The following SRPK1 variants were observed in gnomAD, a reference collection of about 807,000 sequenced individuals.
The protein encoded by SRPK1 is SFRS protein kinase 1.
In SRPK1, 52 loss-of-function variants were observed where a neutral mutation model predicts 89.5. The ratio of observed to expected loss-of-function variants is 0.58; its 90% confidence interval spans 0.46 to 0.73. SRPK1 has a LOEUF of 0.73. SRPK1 is among the 30% of genes least tolerant of loss of function. The pLI is 0.00. For missense variants in SRPK1, 603 were observed against 780.6 expected, an observed-to-expected ratio of 0.77 and a Z score of 2.71; for synonymous variants, 255 against 270.2, an observed-to-expected ratio of 0.94 and a Z score of 0.55.
At position 35,872,736 on chromosome 6, in the gene SRPK1, G is replaced by C. The variant is rs769479847; in HGVS notation, c.586-8C>G. On this transcript the variant is annotated splice_region_variant and splice_polypyrimidine_tract_variant and intron_variant, in intron 7 of 15. Coordinates refer to ENST00000373825, the MANE Select transcript of SRPK1 (RefSeq NM_003137.5). The stretch of plus-strand genomic sequence containing the variant: ...ATCAAGACCCTGTAACACCTGAATG[G>C]AAATAGAGTGGCAGACTTGCAAACA... 1.9e-6 allele frequency: 3 copies of C among 1,589,384 alleles called. No individual in the cohort carries two copies. The African/African-American group carries it at 4.1e-5, about 21-fold the overall frequency.
intron 3 of SRPK1, among the ~76,000 whole-genome samples, chr6:35,889,915 G>A (rs1262906778): frequency 1.3e-5 from 2 of 149,172 alleles, no homozygotes; most frequent in African/African-American, 2.5e-5. Context: ...TGGCTAACAC[G>A]GTGAAACCCT....
chr6:35,920,675 G>A (rs1771215922), intron 1 of SRPK1, 147 bp from the exon 2 acceptor site: 1 of 408,628 alleles, frequency 2.4e-6, no homozygotes. Flanking sequence ...CCGGCCGTGG[G>A]GCTGGCGGCC....
chr6:35,906,741 A>G (rs1770855378), intron 2 of SRPK1, among the ~76,000 whole-genome samples: 1 of 151,768 alleles, frequency 6.6e-6, no homozygotes, highest in Non-Finnish European at 1.5e-5. Flanking sequence ...TTTACACTGC[A>G]GTGATGTTTG....
chr6:35,868,166 G>C (rs1365770207), intron 12 of SRPK1, among the ~76,000 whole-genome samples: 1 of 151,912 alleles, frequency 6.6e-6, no homozygotes, highest in African/African-American at 2.4e-5. Context: ...GTAGAGACGG[G>C]ATTTCTCCAT....
chr6:35,869,943 G>A (rs776725499), intron 10 of SRPK1, 42 bp from the exon 11 acceptor site: 11 of 1,493,944 alleles, frequency 7.4e-6, no homozygotes, highest in Non-Finnish European at 9.8e-6. Context: ...GCATATGTGT[G>A]TGAGTGAAAG....
intron 13 of SRPK1, 138 bp from the exon 14 acceptor site, chr6:35,842,742 C>A (rs201028870): frequency 0.021 from 9,994 of 474,398 alleles, 129 homozygotes; most frequent in Non-Finnish European, 0.024. Flanking sequence ...AAAAAAAAAA[C>A]AAAAACTTAA....
rs188823818 is a variant in SRPK1, at chr6:35,860,015, C to T, written c.1513-2647G>A. Among the ~76,000 whole-genome samples the T allele has an allele frequency of 5.9e-5, 9 of 152,024 alleles. No individual in the cohort carries two copies. In the East Asian group the frequency reaches 9.7e-4, roughly 16 times the overall value. On this transcript the variant is annotated intron_variant, in intron 12 of 15. Transcript: ENST00000373825. ...CTGGGACTACAGGTGCCTGCCACAA[C>T]GCCTGGCTAATATTTTTTTTTTGTA...
At chr6:35,913,967 C>CTTTTTTTTT (rs1316073353) in intron 2 of SRPK1, among the ~76,000 whole-genome samples, 1 of 113,676 alleles carries the variant, frequency 8.8e-6, no homozygotes, top group Non-Finnish European at 1.9e-5. Context: ...AGGATACTTT[C>CTTTTTTTTT]TCTTTTTTTT....
intron 2 of SRPK1, among the ~76,000 whole-genome samples, chr6:35,895,924 G>A (rs753986505): frequency 6.6e-6 from 1 of 152,196 alleles, no homozygotes. Flanking sequence ...AGAGATTCCT[G>A]GAGGGTGGTA....
chr6:35,867,820 C>CA (rs1275395756), intron 12 of SRPK1, among the ~76,000 whole-genome samples: 1 of 151,718 alleles, frequency 6.6e-6, no homozygotes, highest in Non-Finnish European at 1.5e-5. Context: ...CCGTCTCAAA[C>CA]AAAAAAACCT....
intron 13 of SRPK1, among the ~76,000 whole-genome samples, chr6:35,847,064 T>C (rs1769441679): frequency 6.6e-6 from 1 of 152,204 alleles, no homozygotes; most frequent in Admixed American, 6.5e-5. Context: ...TGGTGAAAAA[T>C]TGAAAGCTTT....
Position 35,869,497 on chromosome 6 carries a change from G to A in SRPK1, c.1396C>T (p.Pro466Ser). ...GCATAGGTACCTTTGTTGTCCAGTG[G>A]TCCGTTATGTTCTTGCTCTTGTTCA... ...EDEQEQEHNG[P>S]LDNKGKSTAG... The change falls in exon 11 of 16, where the codon CCA becomes TCA. Residue 466 changes from proline to serine, a missense_variant. Physicochemically the swap from Pro to Ser is moderately conservative, Grantham distance 74. Transcript: ENST00000373825. 2 of 1,613,528 alleles carry A rather than the reference G, an allele frequency of 1.2e-6. No homozygotes were observed. The highest frequency in any genetic ancestry group is 1.7e-6 in the Non-Finnish European group (2 of 1,179,500).
intron 7 of SRPK1, among the ~76,000 whole-genome samples, chr6:35,872,937 T>C (rs1395843663): frequency 1.3e-5 from 2 of 152,214 alleles, no homozygotes; most frequent in East Asian, 3.8e-4. Flanking sequence ...TAAAAAATTC[T>C]TCAATGTTTT....
At position 35,833,446 on chromosome 6, in the gene SRPK1, TAGA is replaced by T. The variant is rs545549376; in HGVS notation, c.*1855_*1857del. 76 of 152,646 alleles carry T rather than the reference TAGA, an allele frequency of 5.0e-4. No homozygotes were observed. The highest frequency in any genetic ancestry group is 5.6e-4 in the Non-Finnish European group (38 of 68,040). The allele number at this position is 152,646 out of a possible 1,614,324, so 9.5% of individuals were successfully genotyped here. Reference sequence around the variant, plus strand: ...ATTCCACAATTGTGATTTTACTATGTAGAAGATAATTCAGTTCTAGTCTATTGC... The same window carrying T: ...ATTCCACAATTGTGATTTTACTATGTAGATAATTCAGTTCTAGTCTATTGC... On this transcript the variant is annotated 3_prime_UTR_variant, in exon 16 of 16. Transcript: ENST00000373825.
At chr6:35,896,240 G>A (rs1286163184) in intron 2 of SRPK1, among the ~76,000 whole-genome samples, 2 of 152,152 alleles carry the variant, frequency 1.3e-5, no homozygotes, top group African/African-American at 4.8e-5. Context: ...GACACTGTCA[G>A]AACTGAATTG....
chr6:35,885,501 T>A (rs942730449), intron 6 of SRPK1, among the ~76,000 whole-genome samples: 1 of 152,204 alleles, frequency 6.6e-6, no homozygotes, highest in African/African-American at 2.4e-5. Flanking sequence ...TCCTTTCCCA[T>A]CCCTTCCTTC....
chr6:35,918,321 C>T (rs1472115610), intron 2 of SRPK1, among the ~76,000 whole-genome samples: 3 of 151,654 alleles, frequency 2.0e-5, no homozygotes, highest in East Asian at 1.9e-4. Context: ...GGCAACATGG[C>T]GAAACTCTCT....
At chr6:35,865,787 A>T (rs1458493008) in intron 12 of SRPK1, among the ~76,000 whole-genome samples, 1 of 152,194 alleles carries the variant, frequency 6.6e-6, no homozygotes, top group African/African-American at 2.4e-5. Context: ...TACAAAAATC[A>T]ACCCAAGACC....
rs758571827 is a variant in SRPK1 at position 35,869,095 on chromosome 6, C to T, written c.1427G>A (p.Gly476Glu). 6.2e-6 allele frequency: 10 copies of T among 1,613,366 alleles called. No individual in the cohort carries two copies. The highest frequency in any genetic ancestry group is 8.5e-6 in the Non-Finnish European group (10 of 1,179,724). The change falls in exon 12 of 16, where the codon GGA (glycine) becomes GAA (glutamate). Residue 476 changes from glycine (G) to glutamate (E), a missense_variant. Physicochemically the swap from Gly to Glu is moderately conservative, Grantham distance 98 (BLOSUM62 -2). Coordinates refer to ENST00000373825, the MANE Select transcript of SRPK1 (RefSeq NM_003137.5). Reference protein sequence around the residue: ...PLDNKGKSTAGNFLVNPLEPK... With the variant: ...PLDNKGKSTAENFLVNPLEPK... The stretch of plus-strand genomic sequence containing the variant: ...CTCAAGGGGATTAACAAGAAAATTT[C>T]CAGCCGTGGATTTTCCTACAGACAA...
Sources: allele counts gnomAD v4.1 joint callset (sites outside exome capture counted in the v4.1 genomes callset), GRCh38; gene constraint gnomAD v4.1.1; transcripts MANE v1.5; gene names NCBI Gene and HGNC (gene_info 2026-07-23, HGNC 2026-07-21).